Variants in VRK2 observed in about 807,000 individuals in gnomAD.
VRK2 encodes VRK serine/threonine kinase 2, also known as serine/threonine-protein kinase VRK2.
Under a neutral mutation model 57.6 loss-of-function variants are expected in VRK2, and 60 were observed. That is an observed-to-expected ratio of 1.04 (90% CI 0.85 to 1.29). The LOEUF is 1.29. Ranked by LOEUF, VRK2 falls within the 50% of genes most tolerant of loss-of-function variation. The pLI, the probability that VRK2 is intolerant of heterozygous loss-of-function variation, is 0.00. For synonymous variants in VRK2, 231 were observed against 199.2 expected (o/e 1.16, Z -1.35); for missense variants, 705 against 588.1 (o/e 1.20, Z -2.06).
chr2:58,156,583 TTTTTGTTTTG>T lies in VRK2; in HGVS notation c.1183-2741_1183-2732del, dbSNP rs200825336. Among the ~76,000 whole-genome samples the T allele has an allele frequency of 5.0e-3, 721 of 145,044 alleles. 2 individuals carry two copies. Among genetic ancestry groups the T allele is most frequent in the Non-Finnish European group, 7.4e-3 (501 of 67,812 alleles). On this transcript the variant is annotated intron_variant, in intron 12 of 12. Coordinates refer to ENST00000340157, the MANE Select transcript of VRK2 (RefSeq NM_006296.7). ...TACCTCAGGTTGGGTGGTGGTGTTT[TTTTTGTTTTG>T]TTTTGTTTTGTTTTGTTTTGTTTTT...
intron 1 of VRK2, among the ~76,000 whole-genome samples, chr2:57,969,691 A>ATGAT (rs1252541654): frequency 1.3e-5 from 2 of 152,128 alleles, no homozygotes; most frequent in East Asian, 3.8e-4. Flanking sequence ...TCAAAAATAA[A>ATGAT]TGAAATCTAA....
intron 7 of VRK2, among the ~76,000 whole-genome samples, chr2:58,118,397 T>C (rs186419558): frequency 0.036 from 5,408 of 152,204 alleles, 327 homozygotes; most frequent in African/African-American, 0.12. Flanking sequence ...TTTGGGTCCA[T>C]GGATAAAACG....
At chr2:58,104,487 C>A in intron 7 of VRK2, among the ~76,000 whole-genome samples, 1 of 151,530 alleles carries the variant, frequency 6.6e-6, no homozygotes, top group Non-Finnish European at 1.5e-5. Flanking sequence ...AAATAAAATA[C>A]CTAAGAATAT....
intron 1 of VRK2, among the ~76,000 whole-genome samples, chr2:58,008,358 A>G (rs1673317312): frequency 6.6e-6 from 1 of 152,110 alleles, no homozygotes; most frequent in South Asian, 2.1e-4. Context: ...GATGAAAAGG[A>G]AGGAAGGAAC....
At chr2:58,134,984 G>C (rs1679803635) in intron 9 of VRK2, among the ~76,000 whole-genome samples, 157 bp from the exon 10 acceptor site, 2 of 151,798 alleles carry the variant, frequency 1.3e-5, no homozygotes, top group South Asian at 4.2e-4. Context: ...CTCTACTTCT[G>C]CTTACTTTCC....
At chr2:58,097,234 G>A (rs1157497480) in intron 7 of VRK2, among the ~76,000 whole-genome samples, 1 of 151,776 alleles carries the variant, frequency 6.6e-6, no homozygotes, top group Non-Finnish European at 1.5e-5. Context: ...CACCTAAGCT[G>A]TTTTGTACTA....
Position 58,085,717 on chromosome 2 carries a change from A to G in VRK2, c.257-622A>G, listed in dbSNP as rs184921442. 1.4e-3 allele frequency among the ~76,000 whole-genome samples: 210 copies of G among 152,048 alleles called. 2 individuals carry two copies. The highest frequency in any genetic ancestry group is 3.7e-3 in the Admixed American group (57 of 15,268). ...GTAATCTTTACTAATTGCTTAAACT[A>G]TGTCACAGTGACAAATAGAATCCAT... On this transcript the variant is annotated intron_variant, in intron 4 of 12. Coordinates refer to ENST00000340157, the MANE Select transcript of VRK2 (RefSeq NM_006296.7).
chr2:58,075,300 G>A (rs1178790897), intron 2 of VRK2, among the ~76,000 whole-genome samples: 3 of 152,050 alleles, frequency 2.0e-5, no homozygotes, highest in Non-Finnish European at 4.4e-5. Flanking sequence ...ACCATTGATG[G>A]ACATCTAGGT....
intron 1 of VRK2, among the ~76,000 whole-genome samples, chr2:58,015,142 C>A (rs886369177): frequency 6.6e-6 from 1 of 152,136 alleles, no homozygotes; most frequent in Non-Finnish European, 1.5e-5. Flanking sequence ...TTATATTTCT[C>A]TGCCAAATCA....
chr2:57,974,170 T>C lies in VRK2; in HGVS notation c.-438-51495T>C, dbSNP rs528719419. ...AAAATGGAAAGCCATATAAGGTTTT[T>C]ATATTTATTTAAAGCTATTGTTTCT... On this transcript the variant is annotated intron_variant, in intron 1 of 15. Coordinates refer to the VRK2 transcript ENST00000417641. 8.5e-5 allele frequency among the ~76,000 whole-genome samples: 13 copies of C among 152,110 alleles called. No homozygotes were observed. In the East Asian group the frequency reaches 2.3e-3, roughly 27 times the overall value.
intron 1 of VRK2, among the ~76,000 whole-genome samples, chr2:57,960,729 C>G (rs1044523377): frequency 1.3e-5 from 2 of 152,046 alleles, no homozygotes; most frequent in African/African-American, 4.8e-5. Context: ...TAGATTAAAG[C>G]GGAAGAAATG....
chr2:58,152,316 C>T lies in VRK2; in HGVS notation c.1182+5842C>T, dbSNP rs540024972. Among the ~76,000 whole-genome samples the T allele has an allele frequency of 6.6e-5, 10 of 151,972 alleles. No individual in the cohort carries two copies. In the South Asian group the frequency reaches 2.1e-3, roughly 31 times the overall value. ...TAGAAATTACCATGTGCACATTTAA[C>T]TGATCATATTACATTCTATCTTGAC... On this transcript the variant is annotated intron_variant, in intron 12 of 12. Transcript: ENST00000340157.
intron 2 of VRK2, among the ~76,000 whole-genome samples, chr2:58,081,537 C>T (rs185169270): frequency 3.3e-5 from 5 of 151,754 alleles, no homozygotes; most frequent in African/African-American, 4.8e-5. Flanking sequence ...CTTTGCTCCT[C>T]TACTGATTTT....
intron 1 of VRK2, among the ~76,000 whole-genome samples, chr2:57,926,481 T>C (rs1670538829): frequency 6.7e-6 from 1 of 149,046 alleles, no homozygotes; most frequent in South Asian, 2.1e-4. Context: ...AGTGTATATA[T>C]ATACAATTAT....
At chr2:58,154,925 T>C in intron 12 of VRK2, 1 of 520,784 alleles carries the variant, frequency 1.9e-6, no homozygotes, top group Non-Finnish European at 3.5e-6. Context: ...TAATACCTTA[T>C]TTAGAAATGT....
rs552176937 is a variant in VRK2, at chr2:57,974,582, T to C, written c.-438-51083T>C. Reference sequence around the variant, plus strand: ...ATTCTTCTAAAAAATTAGCTGAAAGTATAGACTCTTTAGAATTCAGTGAAA... The same window carrying C: ...ATTCTTCTAAAAAATTAGCTGAAAGCATAGACTCTTTAGAATTCAGTGAAA... On this transcript the variant is annotated intron_variant, in intron 1 of 15. Transcript: ENST00000417641. Among the ~76,000 whole-genome samples, 11 of 151,942 alleles carry C rather than the reference T, an allele frequency of 7.2e-5. No homozygotes were observed. The South Asian group carries it at 2.3e-3, about 32-fold the overall frequency.
At chr2:58,052,345 G>A (rs1675871610) in intron 2 of VRK2, among the ~76,000 whole-genome samples, 1 of 152,096 alleles carries the variant, frequency 6.6e-6, no homozygotes, top group South Asian at 2.1e-4. Context: ...AGGCACAGTG[G>A]CTCATGCCAG....
chr2:58,027,688 A>G (rs1404413863), intron 2 of VRK2, among the ~76,000 whole-genome samples: 1 of 152,190 alleles, frequency 6.6e-6, no homozygotes, highest in Admixed American at 6.5e-5. Context: ...GGCCCCTATA[A>G]AGATAGAAAT....
intron 3 of VRK2, 39 bp from the exon 4 acceptor site, chr2:58,084,842 A>AT: frequency 1.5e-6 from 2 of 1,317,028 alleles, no homozygotes; most frequent in Non-Finnish European, 2.1e-6. Context: ...CTTTGGGATT[A>AT]TTTTTTTCTA....
Sources: allele counts gnomAD v4.1 joint callset (sites outside exome capture counted in the v4.1 genomes callset), GRCh38; gene constraint gnomAD v4.1.1; transcripts MANE v1.5; gene names NCBI Gene and HGNC (gene_info 2026-07-23, HGNC 2026-07-21).